Variants in BRIP1 observed in about 807,000 individuals in gnomAD.
BRIP1 encodes BRCA1 interacting DNA helicase 1, also known as Fanconi anemia group J protein.
Under a neutral mutation model 119.7 loss-of-function variants are expected in BRIP1, and 88 were observed. The observed-to-expected ratio is 0.74, with a 90% confidence interval of 0.62 to 0.88. The LOEUF (loss-of-function observed/expected upper bound fraction) is 0.88, where lower values mean the gene tolerates loss of function less well. Among genes scored for constraint, BRIP1 ranks in the 40% least tolerant of loss-of-function variants. The pLI is 0.00. For synonymous variants in BRIP1, 443 were observed against 496.5 expected (o/e 0.89, Z 1.43); for missense variants, 1,259 against 1,455.4 (o/e 0.87, Z 2.20).
rs139659736 is a variant in BRIP1, at chr17:61,776,606, G to T, written c.1936-44C>A. The T allele has an allele frequency of 9.1e-4, 1,436 of 1,578,668 alleles. 5 individuals are homozygous for T. The African/African-American group carries it at 0.018, about 19-fold the overall frequency. On this transcript the variant is annotated intron_variant, in intron 13 of 19. Coordinates refer to ENST00000259008, the MANE Select transcript of BRIP1 (RefSeq NM_032043.3). This position sits in a 1 kb window ranked among gnomAD's most constrained non-coding sequence, Gnocchi z 5.0. The stretch of plus-strand genomic sequence containing the variant: ...ATTATTAGAGTTATGCCTGAAAAAG[G>T]CATGGAAATTAGTATTTATTTGGAA...
rs1040915765 is a variant in BRIP1, at chr17:61,712,296, C to T, written c.2492+3655G>A. On this transcript the variant is annotated intron_variant, in intron 17 of 19. Transcript: ENST00000259008. ...TGGCGCAATCTTAGCTCAACGCAAC[C>T]TCCACCTACCAGGTTCAAGCAATTC... Among the ~76,000 whole-genome samples, 19 of 152,200 alleles carry T rather than the reference C, an allele frequency of 1.2e-4. No homozygotes were observed. The East Asian group carries it at 3.7e-3, about 30-fold the overall frequency.
At position 61,852,326 on chromosome 17, in the gene BRIP1, T is replaced by G. The variant is rs2078833552; in HGVS notation, c.380-3070A>C. On this transcript the variant is annotated intron_variant, in intron 4 of 19. Transcript: ENST00000259008. The surrounding 1 kb of genome is among the most constrained non-coding windows in gnomAD (Gnocchi z 4.9). Reference sequence around the variant, plus strand: ...CAAAGTTAAAAAGAAAGAAGATATCTCCCGATTATGTTTTTTTAAAATCTT... The same window carrying G: ...CAAAGTTAAAAAGAAAGAAGATATCGCCCGATTATGTTTTTTTAAAATCTT... 6.6e-6 allele frequency among the ~76,000 whole-genome samples: 1 copy of G among 152,096 alleles called. No homozygotes were observed. Among genetic ancestry groups the G allele is most frequent in the Admixed American group, 6.6e-5 (1 of 15,246 alleles).
chr17:61,808,355 A>T lies in BRIP1; in HGVS notation c.918+112T>A. On this transcript the variant is annotated intron_variant, in intron 7 of 19. Coordinates refer to ENST00000259008, the MANE Select transcript of BRIP1 (RefSeq NM_032043.3). This position sits in a 1 kb window ranked among gnomAD's most constrained non-coding sequence, Gnocchi z 4.1. The stretch of plus-strand genomic sequence containing the variant: ...TTAAAAGATATCAATACTAGCAGTT[A>T]ATTTGATTTTCCGAAGTTGATTATC... The T allele has an allele frequency of 9.0e-7, 1 of 1,116,620 alleles. No homozygotes were observed. The highest frequency in any genetic ancestry group is 1.3e-6 in the Non-Finnish European group (1 of 758,830). 69.2% of individuals were successfully genotyped at this position (1,116,620 alleles called of 1,614,324 possible). A position where few individuals can be genotyped will look rare whatever the true frequency, so the allele number is the denominator to read the frequency against.
chr17:61,692,492 C>A (rs1013920957), intron 18 of BRIP1, among the ~76,000 whole-genome samples: 1 of 151,640 alleles, frequency 6.6e-6, no homozygotes, highest in Admixed American at 6.6e-5. Context: ...CACCAAAAAC[C>A]AAACCAAAAA....
At position 61,724,785 on chromosome 17, in the gene BRIP1, A is replaced by T. The variant is rs1019193729; in HGVS notation, c.2380-8722T>A. On this transcript the variant is annotated intron_variant, in intron 16 of 19. Transcript: ENST00000259008. The surrounding 1 kb of genome is among the most constrained non-coding windows in gnomAD (Gnocchi z 5.1). ...AGCTAAACTACATAATTATAAAAAT[A>T]TTAAGAAAACTCTGCTTCAGAAAAA... Among the ~76,000 whole-genome samples the T allele has an allele frequency of 1.3e-5, 2 of 152,204 alleles. No individual in the cohort carries two copies. Among genetic ancestry groups the T allele is most frequent in the Admixed American group, 1.3e-4 (2 of 15,278 alleles).
In BRIP1 at chr17:61,729,388, T is replaced by C. The variant is rs1209451697; in HGVS notation, c.2380-13325A>G. 6.6e-6 allele frequency among the ~76,000 whole-genome samples: 1 copy of C among 152,126 alleles called. No individual in the cohort carries two copies. Among genetic ancestry groups the C allele is most frequent in the African/African-American group, 2.4e-5 (1 of 41,416 alleles). ...GATAATGTACATAATAACTATAGAT[T>C]TAATTAAAAATTGTAATGTAACTAT... On this transcript the variant is annotated intron_variant, in intron 16 of 19. Coordinates refer to ENST00000259008, the MANE Select transcript of BRIP1 (RefSeq NM_032043.3). The surrounding 1 kb of genome is among the most constrained non-coding windows in gnomAD (Gnocchi z 5.6).
rs201369251 is a variant in BRIP1 at position 61,729,446 on chromosome 17, A to G, written c.2380-13383T>C. ...GGCTATAAGAAGGAAAAAGCAGAGT[A>G]AGTGAGGTAAAATCCTGTCTCAAAT... On this transcript the variant is annotated intron_variant, in intron 16 of 19. Coordinates refer to ENST00000259008, the MANE Select transcript of BRIP1 (RefSeq NM_032043.3). The surrounding 1 kb of genome is among the most constrained non-coding windows in gnomAD (Gnocchi z 5.6). 7.5e-6 allele frequency among the ~76,000 whole-genome samples: 1 copy of G among 134,210 alleles called. No individual in the cohort carries two copies. Among genetic ancestry groups the G allele is most frequent in the Admixed American group, 7.4e-5 (1 of 13,572 alleles). 88.0% of individuals were successfully genotyped at this position (134,210 alleles called of 152,430 possible).
At position 61,735,834 on chromosome 17, in the gene BRIP1, G is replaced by C. The variant is rs1185788550; in HGVS notation, c.2379+7179C>G. 6.6e-6 allele frequency among the ~76,000 whole-genome samples: 1 copy of C among 151,872 alleles called. No homozygotes were observed. The highest frequency in any genetic ancestry group is 6.6e-5 in the Admixed American group (1 of 15,238). ...TTTAAAAAAGACTGCCTCTTGGATGGATTAGGAAGAACCTCAGTCCTACAA... is the reference window on the plus strand; with the variant it reads ...TTTAAAAAAGACTGCCTCTTGGATGCATTAGGAAGAACCTCAGTCCTACAA... On this transcript the variant is annotated intron_variant, in intron 16 of 19. Coordinates refer to ENST00000259008, the MANE Select transcript of BRIP1 (RefSeq NM_032043.3). This position sits in a 1 kb window ranked among gnomAD's most constrained non-coding sequence, Gnocchi z 4.4.
rs2145618865 is a variant in BRIP1 at position 61,831,146 on chromosome 17, G to A, written c.627+15955C>T. Among the ~76,000 whole-genome samples the A allele has an allele frequency of 6.6e-6, 1 of 152,282 alleles. No homozygotes were observed. The highest frequency in any genetic ancestry group is 2.4e-5 in the African/African-American group (1 of 41,558). ...TTTAGCCTGACAAAGGGCATAGACA[G>A]AACACCTAGCACAAATGTCATACAG... On this transcript the variant is annotated intron_variant, in intron 6 of 19. Coordinates refer to ENST00000259008, the MANE Select transcript of BRIP1 (RefSeq NM_032043.3). The surrounding 1 kb of genome is among the most constrained non-coding windows in gnomAD (Gnocchi z 4.1).
intron 10 of BRIP1, among the ~76,000 whole-genome samples, chr17:61,787,744 G>A (rs992615410): frequency 6.6e-6 from 1 of 151,904 alleles, no homozygotes; most frequent in South Asian, 2.1e-4. Flanking sequence ...TCCCAGGTTT[G>A]CGCCATTCTC....
rs775102832 is a variant in BRIP1 at position 61,775,492 on chromosome 17, C to T, written c.2097+909G>A. Among the ~76,000 whole-genome samples, 6 of 152,082 alleles carry T rather than the reference C, an allele frequency of 3.9e-5. No individual in the cohort carries two copies. The highest frequency in any genetic ancestry group is 7.4e-5 in the Non-Finnish European group (5 of 68,026). ...TTCCTGTGGAAAAAAGAGAAGGGAA[C>T]GCCACTTCTCTACATTGGATTTAGG... On this transcript the variant is annotated intron_variant, in intron 14 of 19. Transcript: ENST00000259008. This position sits in a 1 kb window ranked among gnomAD's most constrained non-coding sequence, Gnocchi z 4.4.
chr17:61,744,623 G>T lies in BRIP1; in HGVS notation c.2098-32C>A. On this transcript the variant is annotated intron_variant, in intron 14 of 19. Transcript: ENST00000259008. This position sits in a 1 kb window ranked among gnomAD's most constrained non-coding sequence, Gnocchi z 5.0. ...AGGGGAAAGAAAAAAATGATTTTTT[G>T]TGTGTCTAGCTAAACAAACTTAACT... 1.3e-6 allele frequency: 2 copies of T among 1,592,724 alleles called. No individual in the cohort carries two copies.
intron 6 of BRIP1, among the ~76,000 whole-genome samples, chr17:61,830,345 CAG>C (rs367605281): frequency 1.1e-4 from 14 of 125,196 alleles, no homozygotes; most frequent in South Asian, 2.6e-4. Context: ...AATGGAAAAA[CAG>C]AAAGTCAACA....
At position 61,848,505 on chromosome 17, in the gene BRIP1, T is replaced by C. The variant is rs1299867670; in HGVS notation, c.507+624A>G. On this transcript the variant is annotated intron_variant, in intron 5 of 19. Coordinates refer to ENST00000259008, the MANE Select transcript of BRIP1 (RefSeq NM_032043.3). This position sits in a 1 kb window ranked among gnomAD's most constrained non-coding sequence, Gnocchi z 4.3. Reference sequence around the variant, plus strand: ...GGGATTACAGTCGTGAGCCACTGTATTCAGCCTAATAATTATCTTTTTTAT... The same window carrying C: ...GGGATTACAGTCGTGAGCCACTGTACTCAGCCTAATAATTATCTTTTTTAT... 1.3e-5 allele frequency among the ~76,000 whole-genome samples: 2 copies of C among 152,078 alleles called. No homozygotes were observed. Among genetic ancestry groups the C allele is most frequent in the Non-Finnish European group, 1.5e-5 (1 of 67,980 alleles).
intron 14 of BRIP1, among the ~76,000 whole-genome samples, chr17:61,773,386 C>T (rs2077487357): frequency 6.6e-6 from 1 of 152,070 alleles, no homozygotes; most frequent in Non-Finnish European, 1.5e-5. Flanking sequence ...GGATCCCTTC[C>T]TTACACCTTA....
rs1228011580 is a variant in BRIP1, at chr17:61,815,370, T to C, written c.628-6613A>G. Among the ~76,000 whole-genome samples, 1 of 152,154 alleles carries C rather than the reference T, an allele frequency of 6.6e-6. No individual in the cohort carries two copies. Among genetic ancestry groups the C allele is most frequent in the East Asian group, 1.9e-4 (1 of 5,200 alleles). ...GTGCTCAAAGCAGATTGTGACTGATTTGGGTTAGGGCTTTATTCCAGAATT... is the reference window on the plus strand; with the variant it reads ...GTGCTCAAAGCAGATTGTGACTGATCTGGGTTAGGGCTTTATTCCAGAATT... On this transcript the variant is annotated intron_variant, in intron 6 of 19. Transcript: ENST00000259008. The surrounding 1 kb of genome is among the most constrained non-coding windows in gnomAD (Gnocchi z 4.1).
rs1341320939 is a variant in BRIP1 at position 61,720,841 on chromosome 17, T to C, written c.2380-4778A>G. Among the ~76,000 whole-genome samples the C allele has an allele frequency of 6.6e-6, 1 of 152,150 alleles. No individual in the cohort carries two copies. Among genetic ancestry groups the C allele is most frequent in the African/African-American group, 2.4e-5 (1 of 41,418 alleles). ...ATTTTCCGTGTACTCTATAACACTG[T>C]TAACTTTTTCTTTTTTTTTTGAGAC... On this transcript the variant is annotated intron_variant, in intron 16 of 19. Transcript: ENST00000259008. This position sits in a 1 kb window ranked among gnomAD's most constrained non-coding sequence, Gnocchi z 4.3.
rs1454134343 is a variant in BRIP1 at position 61,743,723 on chromosome 17, T to C, written c.2258-589A>G. ...TTGTGTGTGAGACAGGGTCTCACTC[T>C]GTCAGCCAGGCTGGAGTGCAGTGGC... On this transcript the variant is annotated intron_variant, in intron 15 of 19. Transcript: ENST00000259008. The surrounding 1 kb of genome is among the most constrained non-coding windows in gnomAD (Gnocchi z 4.3). Among the ~76,000 whole-genome samples the C allele has an allele frequency of 1.3e-5, 2 of 152,248 alleles. No individual in the cohort carries two copies. Among genetic ancestry groups the C allele is most frequent in the African/African-American group, 2.4e-5 (1 of 41,470 alleles).
At chr17:61,721,189 G>GA (rs2061966981) in intron 16 of BRIP1, among the ~76,000 whole-genome samples, 2 of 145,564 alleles carry the variant, frequency 1.4e-5, no homozygotes, top group Non-Finnish European at 3.0e-5. Context: ...AAAGAAAACA[G>GA]AACAGTACAC....
Sources: gnomAD v4.1 joint callset for allele counts (sites outside exome capture counted in the v4.1 genomes callset) on GRCh38, gnomAD v4.1.1 for gene constraint, Gnocchi (gnomAD v3.1) non-coding constraint, MANE v1.5 for transcripts, NCBI Gene and HGNC (gene_info 2026-07-23, HGNC 2026-07-21) for gene names.